Variants in ASTN2 observed in about 807,000 individuals in gnomAD.
The protein encoded by ASTN2 is astrotactin 2, also known as astrotactin-2.
Under a neutral mutation model 139.8 loss-of-function variants are expected in ASTN2, and 54 were observed. The observed-to-expected ratio is 0.39, with a 90% CI of 0.31 to 0.48. The LOEUF (loss-of-function observed/expected upper bound fraction) is 0.48. Among genes scored for constraint, ASTN2 ranks in the 20% least tolerant of loss-of-function variants. The pLI is 0.95. For synonymous variants in ASTN2, 756 were observed against 719.5 expected, an observed-to-expected ratio of 1.05 and a Z score of -0.81; for missense variants, 1,565 against 1,725.1, an observed-to-expected ratio of 0.91 and a Z score of 1.64.
At chr9:117,380,663 G>A (rs1830246455) in intron 1 of ASTN2, among the ~76,000 whole-genome samples, 1 of 151,542 alleles carries the variant, frequency 6.6e-6, no homozygotes, top group African/African-American at 2.4e-5. Flanking sequence ...CATCTTCTTT[G>A]ACTGAAGTGA....
intron 10 of ASTN2, among the ~76,000 whole-genome samples, chr9:116,893,632 G>C (rs1453575213): frequency 6.6e-6 from 1 of 152,064 alleles, no homozygotes; most frequent in Non-Finnish European, 1.5e-5. Context: ...TGCCTGCATG[G>C]AGTGAGCACT....
At chr9:116,905,770 G>T (rs547883481) in intron 10 of ASTN2, among the ~76,000 whole-genome samples, 1 of 151,736 alleles carries the variant, frequency 6.6e-6, no homozygotes, top group Admixed American at 6.6e-5. Context: ...TGGAAGAGTG[G>T]GTGGCTTAAG....
intron 10 of ASTN2, among the ~76,000 whole-genome samples, chr9:116,899,316 G>T (rs1288860550): frequency 6.6e-6 from 1 of 152,144 alleles, no homozygotes; most frequent in Non-Finnish European, 1.5e-5. Context: ...CCATAATGGT[G>T]TCCAAAGGTG....
At chr9:116,576,104 T>A (rs1458442692) in intron 19 of ASTN2, among the ~76,000 whole-genome samples, 2 of 152,190 alleles carry the variant, frequency 1.3e-5, no homozygotes, top group African/African-American at 4.8e-5. Flanking sequence ...TGGCCTCACT[T>A]TGAACTCTCC....
intron 10 of ASTN2, among the ~76,000 whole-genome samples, chr9:116,913,777 T>G (rs1298658601): frequency 3.9e-5 from 6 of 152,064 alleles, no homozygotes; most frequent in Admixed American, 3.9e-4. Flanking sequence ...GTCATTAAAG[T>G]AATCTATACT....
chr9:117,313,515 C>T (rs186347003), intron 1 of ASTN2, among the ~76,000 whole-genome samples: 154 of 152,218 alleles, frequency 1.0e-3, no homozygotes, highest in African/African-American at 3.6e-3. Context: ...TAAGAAGCAA[C>T]CATAGGCAGT....
chr9:116,567,965 A>G (rs1402545634), intron 19 of ASTN2, among the ~76,000 whole-genome samples: 3 of 152,188 alleles, frequency 2.0e-5, no homozygotes, highest in Admixed American at 6.5e-5. Flanking sequence ...AATAGTAGCT[A>G]ACATTCACTG....
chr9:117,161,678 A>C (rs1305844980), intron 3 of ASTN2, among the ~76,000 whole-genome samples: 1 of 151,966 alleles, frequency 6.6e-6, no homozygotes, highest in South Asian at 2.1e-4. Flanking sequence ...ACAGGCATGA[A>C]CCCCTGTGCA....
chr9:116,561,373 G>A (rs1042374769), intron 19 of ASTN2, among the ~76,000 whole-genome samples: 3 of 152,174 alleles, frequency 2.0e-5, no homozygotes. Flanking sequence ...TGAAATTCAA[G>A]TAGAATAAAA....
At chr9:116,826,481 A>C (rs539551489) in intron 11 of ASTN2, among the ~76,000 whole-genome samples, 1 of 152,296 alleles carries the variant, frequency 6.6e-6, no homozygotes, top group South Asian at 2.1e-4. Flanking sequence ...AAGCACACTC[A>C]GGACAATACC....
rs1403143174 is a variant in ASTN2 at position 116,425,707 on chromosome 9, C to T, written c.*144G>A. 1.1e-5 allele frequency: 17 copies of T among 1,606,882 alleles called. No homozygotes were observed. The East Asian group carries it at 1.1e-4, about 11-fold the overall frequency. The stretch of plus-strand genomic sequence containing the variant: ...TCTGTCCACTATCCACAGGAGAAAC[C>T]GTTTGCTTTGGCCTTGCTGGCAAGC... On this transcript the variant is annotated 3_prime_UTR_variant, in exon 23 of 23. Coordinates refer to ENST00000313400, the MANE Select transcript of ASTN2 (RefSeq NM_001365068.1).
intron 20 of ASTN2, among the ~76,000 whole-genome samples, chr9:116,463,270 C>A (rs542878546): frequency 6.6e-6 from 1 of 152,292 alleles, no homozygotes; most frequent in South Asian, 2.1e-4. Context: ...GTTCATCACA[C>A]TTCTCCAAGG....
intron 2 of ASTN2, among the ~76,000 whole-genome samples, chr9:117,289,754 G>T (rs530261125): frequency 6.6e-6 from 1 of 152,244 alleles, no homozygotes; most frequent in East Asian, 1.9e-4. Context: ...TAGCATGCAG[G>T]CACCCACTTG....
intron 19 of ASTN2, among the ~76,000 whole-genome samples, chr9:116,598,980 G>C (rs1045747635): frequency 6.6e-6 from 1 of 152,200 alleles, no homozygotes; most frequent in Non-Finnish European, 1.5e-5. Flanking sequence ...ATATTCCAAG[G>C]CATGGTGACA....
intron 13 of ASTN2, among the ~76,000 whole-genome samples, chr9:116,794,670 C>T (rs533782523): frequency 2.0e-5 from 3 of 152,184 alleles, no homozygotes; most frequent in Non-Finnish European, 4.4e-5. Context: ...GTATGAGCAT[C>T]AATCTGCTTT....
chr9:117,030,056 T>C (rs1160999478), intron 6 of ASTN2, among the ~76,000 whole-genome samples: 2 of 152,108 alleles, frequency 1.3e-5, no homozygotes, highest in African/African-American at 4.8e-5. Context: ...GGAATTAATA[T>C]ACCCAAGGTC....
intron 4 of ASTN2, among the ~76,000 whole-genome samples, chr9:117,100,016 T>C (rs1323252932): frequency 2.6e-5 from 4 of 152,230 alleles, no homozygotes; most frequent in Admixed American, 1.3e-4. Context: ...CACACATGCA[T>C]GCATATGGAT....
chr9:116,820,233 C>T (rs1388346762), intron 12 of ASTN2, among the ~76,000 whole-genome samples: 2 of 152,178 alleles, frequency 1.3e-5, no homozygotes, highest in Non-Finnish European at 2.9e-5. Flanking sequence ...TGCTTTTATG[C>T]ACCATACCTG....
intron 10 of ASTN2, among the ~76,000 whole-genome samples, chr9:116,915,685 T>C (rs1414384828): frequency 6.6e-6 from 1 of 152,210 alleles, no homozygotes; most frequent in African/African-American, 2.4e-5. Context: ...GATGCATCCA[T>C]GTGCCTGGAG....
Sources: gnomAD v4.1 joint callset for allele counts (sites outside exome capture counted in the v4.1 genomes callset) on GRCh38, gnomAD v4.1.1 for gene constraint, MANE v1.5 for transcripts, NCBI Gene and HGNC (gene_info 2026-07-23, HGNC 2026-07-21) for gene names.